KCNH7: variants seen among roughly 807,000 people sequenced by gnomAD.
KCNH7 encodes the protein potassium voltage-gated channel subfamily H member 7, also known as voltage-gated inwardly rectifying potassium channel KCNH7.
A neutral mutation model predicts 120.8 loss-of-function variants in KCNH7; 49 were observed. The ratio of observed to expected loss-of-function variants is 0.41; its 90% CI spans 0.32 to 0.51. The LOEUF (loss-of-function observed/expected upper bound fraction) is 0.51. KCNH7 is among the 20% of genes least tolerant of loss of function. The pLI is 0.38. For synonymous variants in KCNH7, 547 were observed against 516.1 expected (o/e 1.06, Z -0.81); for missense variants, 1,097 against 1,446.6 (o/e 0.76, Z 3.92).
At chr2:162,629,966 G>C (rs953245241) in intron 2 of KCNH7, among the ~76,000 whole-genome samples, 10 of 152,074 alleles carry the variant, frequency 6.6e-5, no homozygotes, top group African/African-American at 2.4e-4. Flanking sequence ...TGATTTTACT[G>C]ACTGAAATAA....
rs756374542 is a variant in KCNH7, at chr2:162,517,772, C to A, written c.850G>T (p.Val284Phe). The A allele has an allele frequency of 6.3e-7, 1 of 1,587,148 alleles. No individual in the cohort carries two copies. Residue 284 changes from valine to phenylalanine, a missense_variant, in exon 4 of 16, where the codon GTC (valine) becomes TTC (phenylalanine). Transcript: ENST00000332142. ...TCTCTAAATATGTTCTTGGGGTGGA[C>A]GCCGAATCCTTCTATATCATGGACC... ...SSVHDIEGFG[V>F]HPKNIFRDRH...
At chr2:162,733,123 C>G (rs1157029831) in intron 2 of KCNH7, among the ~76,000 whole-genome samples, 1 of 152,110 alleles carries the variant, frequency 6.6e-6, no homozygotes, top group Non-Finnish European at 1.5e-5. Context: ...GCTTGGCTCT[C>G]AGAGCTATGA....
At chr2:162,441,942 C>T (rs1688426986) in intron 7 of KCNH7, among the ~76,000 whole-genome samples, 2 of 135,718 alleles carry the variant, frequency 1.5e-5, no homozygotes, top group African/African-American at 2.7e-5. Context: ...AGAATATCCT[C>T]TACTTATTGT....
At chr2:162,508,288 C>T (rs1053838358) in intron 5 of KCNH7, among the ~76,000 whole-genome samples, 1 of 149,990 alleles carries the variant, frequency 6.7e-6, no homozygotes, top group African/African-American at 2.4e-5. Flanking sequence ...CTCTTATTTG[C>T]AGGTAGAAAA....
intron 2 of KCNH7, among the ~76,000 whole-genome samples, chr2:162,668,000 A>G (rs1685205240): frequency 6.6e-6 from 1 of 152,226 alleles, no homozygotes; most frequent in Non-Finnish European, 1.5e-5. Context: ...GCTAGTTTTT[A>G]AAAGCATATA....
intron 2 of KCNH7, among the ~76,000 whole-genome samples, chr2:162,802,676 C>T (rs1020302049): frequency 6.6e-6 from 1 of 151,536 alleles, no homozygotes; most frequent in African/African-American, 2.4e-5. Flanking sequence ...AATAAACCCA[C>T]AAGAATAACA....
intron 2 of KCNH7, among the ~76,000 whole-genome samples, chr2:162,695,870 C>T (rs1025058825): frequency 3.3e-5 from 5 of 152,122 alleles, no homozygotes; most frequent in Admixed American, 6.6e-5. Context: ...GGAACAACTA[C>T]ATGAAATCTT....
At chr2:162,706,791 T>C (rs953153609) in intron 2 of KCNH7, among the ~76,000 whole-genome samples, 4 of 152,078 alleles carry the variant, frequency 2.6e-5, no homozygotes, top group African/African-American at 9.7e-5. Flanking sequence ...CTTGTCCACA[T>C]AGAAAATAAT....
intron 9 of KCNH7, among the ~76,000 whole-genome samples, chr2:162,403,924 G>T (rs558961681): frequency 6.6e-6 from 1 of 152,076 alleles, no homozygotes; most frequent in East Asian, 1.9e-4. Flanking sequence ...ATTGAAAAAA[G>T]TCTGAAATAA....
chr2:162,811,194 T>G (rs1684722123), intron 2 of KCNH7, among the ~76,000 whole-genome samples: 1 of 152,268 alleles, frequency 6.6e-6, no homozygotes, highest in Admixed American at 6.5e-5. Context: ...GCGTGCATAC[T>G]TTTCCATTTA....
chr2:162,807,256 CAAAAAAA>C (rs745345993), intron 2 of KCNH7, among the ~76,000 whole-genome samples: 6 of 15,628 alleles, frequency 3.8e-4, no homozygotes, highest in Non-Finnish European at 1.0e-3. Context: ...ACTAAAAATA[CAAAAAAA>C]AAAAAAAAAA....
intron 14 of KCNH7, among the ~76,000 whole-genome samples, chr2:162,376,216 G>T (rs1463214994): frequency 2.0e-5 from 3 of 152,094 alleles, no homozygotes; most frequent in Non-Finnish European, 4.4e-5. Context: ...AAAGACAAAT[G>T]AAGGAGGTGC....
intron 2 of KCNH7, among the ~76,000 whole-genome samples, chr2:162,731,054 G>A (rs929311453): frequency 5.3e-5 from 8 of 151,592 alleles, no homozygotes; most frequent in African/African-American, 1.9e-4. Flanking sequence ...TAAATGAGAT[G>A]CAAAATGTAA....
At chr2:162,679,783 A>T (rs571495601) in intron 2 of KCNH7, among the ~76,000 whole-genome samples, 81 of 151,690 alleles carry the variant, frequency 5.3e-4, no homozygotes, top group Non-Finnish European at 1.0e-3. Flanking sequence ...TATTATGCTT[A>T]ATTTATTTCT....
chr2:162,695,842 A>G (rs1490115855), intron 2 of KCNH7, among the ~76,000 whole-genome samples: 2 of 152,192 alleles, frequency 1.3e-5, no homozygotes, highest in Non-Finnish European at 2.9e-5. Context: ...GAGAATGTCC[A>G]TATAAAAGTG....
intron 2 of KCNH7, among the ~76,000 whole-genome samples, chr2:162,642,177 C>A (rs776309624): frequency 6.6e-6 from 1 of 152,134 alleles, no homozygotes; most frequent in Non-Finnish European, 1.5e-5. Context: ...TTCACAGTGA[C>A]GGCTTCTGTC....
At chr2:162,374,520 C>T (rs1686090999) in intron 14 of KCNH7, among the ~76,000 whole-genome samples, 2 of 152,046 alleles carry the variant, frequency 1.3e-5, no homozygotes, top group Admixed American at 1.3e-4. Context: ...TTAGAAAATT[C>T]TTCTAACTCT....
At chr2:162,585,853 G>C (rs974219727) in intron 2 of KCNH7, among the ~76,000 whole-genome samples, 9 of 151,798 alleles carry the variant, frequency 5.9e-5, no homozygotes, top group Admixed American at 5.9e-4. Flanking sequence ...TATTTAAAAT[G>C]AATAAATCAT....
chr2:162,735,735 G>A (rs1687881930), intron 2 of KCNH7, among the ~76,000 whole-genome samples: 1 of 152,122 alleles, frequency 6.6e-6, no homozygotes, highest in Non-Finnish European at 1.5e-5. Flanking sequence ...TTCTTAGGGA[G>A]GCAGATTTGA....
Sources: gnomAD v4.1 joint callset for allele counts (sites outside exome capture counted in the v4.1 genomes callset) on GRCh38, gnomAD v4.1.1 for gene constraint, MANE v1.5 for transcripts, NCBI Gene and HGNC (gene_info 2026-07-23, HGNC 2026-07-21) for gene names.